GSTA3: variants seen among roughly 807,000 people sequenced by gnomAD.
GSTA3 encodes the protein glutathione S-transferase A3.
In GSTA3, 16 loss-of-function variants were observed where a neutral mutation model predicts 23.1. That is an observed-to-expected ratio of 0.69 (90% confidence interval 0.47 to 1.05). The LOEUF is 1.05. Among genes scored for constraint, GSTA3 ranks in the 50% least tolerant of loss-of-function variants. The pLI, the probability that GSTA3 is intolerant of heterozygous loss-of-function variation, is 0.00. For missense variants in GSTA3, 319 were observed against 263.6 expected, an observed-to-expected ratio of 1.21 and a Z score of -1.46; for synonymous variants, 122 against 91.0, an observed-to-expected ratio of 1.34 and a Z score of -1.94.
intron 1 of GSTA3, among the ~76,000 whole-genome samples, chr6:52,907,887 G>A (rs1334178731): frequency 3.3e-5 from 5 of 151,564 alleles, no homozygotes; most frequent in Admixed American, 2.6e-4. Context: ...TGATGAGTTG[G>A]TGGGTGCAGC....
intron 5 of GSTA3, 71 bp from the exon 6 acceptor site, chr6:52,898,027 C>A: frequency 1.3e-6 from 2 of 1,564,448 alleles, no homozygotes; most frequent in Non-Finnish European, 1.8e-6. Flanking sequence ...CTCCCTGAGT[C>A]TTTCCAGCCT....
At position 52,897,878 on chromosome 6, in the gene GSTA3, A is replaced by G; in HGVS notation, c.493T>C (p.Tyr165His). 6.2e-7 allele frequency: 1 copy of G among 1,613,972 alleles called. No individual in the cohort carries two copies. Among genetic ancestry groups the G allele is most frequent in the East Asian group, 2.2e-5 (1 of 44,882 alleles). The change falls in exon 6 of 7, where the codon TAC becomes CAC. Residue 165 changes from tyrosine to histidine, a missense_variant. Coordinates refer to ENST00000211122, the MANE Select transcript of GSTA3 (RefSeq NM_000847.5). ...CTGGAGTCAAGCTCTTCCACATAGT[A>G]GAGAAGTTCCACCAGGCTAATGTCA... ...RADISLVELL[Y>H]YVEELDSSLI...
At position 52,903,732 on chromosome 6, in the gene GSTA3, A is replaced by T; in HGVS notation, c.88-5T>A. On this transcript the variant is annotated splice_region_variant and splice_polypyrimidine_tract_variant and intron_variant, in intron 2 of 6. Coordinates refer to ENST00000211122, the MANE Select transcript of GSTA3 (RefSeq NM_000847.5). ...TCCTATAAATTTCTCTTCAAACTGG[A>T]AGCAGAAACAGTAAATGGGTTCTTG... 6.4e-7 allele frequency: 1 copy of T among 1,571,308 alleles called. No individual in the cohort carries two copies. Among genetic ancestry groups the T allele is most frequent in the African/African-American group, 1.3e-5 (1 of 74,100 alleles).
intron 1 of GSTA3, among the ~76,000 whole-genome samples, chr6:52,906,307 A>G (rs974319502): frequency 1.9e-4 from 29 of 152,186 alleles, no homozygotes; most frequent in African/African-American, 6.5e-4. Context: ...CAATTTGCCA[A>G]CTAGCTAGTT....
chr6:52,899,876 C>T (rs1020557575), intron 5 of GSTA3, 58 bp downstream of exon 5: 47 of 1,556,742 alleles, frequency 3.0e-5, no homozygotes, highest in Non-Finnish European at 4.2e-5. Context: ...TGCCCAGCCA[C>T]TATTTTTCTA....
chr6:52,900,241 C>T (rs980088558), intron 4 of GSTA3, among the ~76,000 whole-genome samples, 166 bp from the exon 5 acceptor site: 4 of 149,970 alleles, frequency 2.7e-5, no homozygotes, highest in African/African-American at 7.4e-5. Context: ...TGTATGTTGA[C>T]GTTTCCTTCT....
rs768538917 is a variant in GSTA3 at position 52,900,020 on chromosome 6, G to T, written c.328C>A (p.Pro110Thr). Residue 110 changes from proline (P) to threonine (T), a missense_variant, in exon 5 of 7, where the codon CCC (proline) becomes ACC (threonine). Physicochemically the swap from Pro to Thr is conservative, Grantham distance 38. Transcript: ENST00000211122. ...TCTTTTTCCTCAGGTCGACATAAGG[G>T]CAGAAGAAGGATCATTTCATTCAAA... The part of the protein sequence containing the change: ...ADLNEMILLL[P>T]LCRPEEKDAK... The T allele has an allele frequency of 5.0e-6, 8 of 1,612,890 alleles. No homozygotes were observed. In the Admixed American group the frequency reaches 1.3e-4, roughly 27 times the overall value.
intron 5 of GSTA3, among the ~76,000 whole-genome samples, chr6:52,899,512 C>G (rs541645100): frequency 6.6e-6 from 1 of 152,304 alleles, no homozygotes; most frequent in Non-Finnish European, 1.5e-5. Context: ...ACAATATTCT[C>G]TGGTTGGGAA....
intron 3 of GSTA3, among the ~76,000 whole-genome samples, chr6:52,902,720 G>C (rs1190442911): frequency 6.6e-6 from 1 of 152,130 alleles, no homozygotes; most frequent in Non-Finnish European, 1.5e-5. Flanking sequence ...GTACATAGTA[G>C]GTCCCTTGTA....
chr6:52,906,787 C>T (rs540725124), intron 1 of GSTA3, among the ~76,000 whole-genome samples: 32 of 150,842 alleles, frequency 2.1e-4, no homozygotes, highest in Middle Eastern at 3.4e-3. Context: ...TGGATCCCTT[C>T]CTTACACCTT....
At chr6:52,901,778 T>C (rs1561953345) in intron 4 of GSTA3, among the ~76,000 whole-genome samples, 1 of 152,224 alleles carries the variant, frequency 6.6e-6, no homozygotes, top group Non-Finnish European at 1.5e-5. Context: ...GCTTTGCTGG[T>C]ATTCGATAAA....
At chr6:52,902,989 C>T (rs1237318547) in intron 3 of GSTA3, among the ~76,000 whole-genome samples, 2 of 152,160 alleles carry the variant, frequency 1.3e-5, no homozygotes, top group Non-Finnish European at 2.9e-5. Context: ...ATGGCCACAT[C>T]TATTTCTATT....
intron 4 of GSTA3, among the ~76,000 whole-genome samples, chr6:52,901,959 T>C (rs567669435): frequency 6.6e-6 from 1 of 152,172 alleles, no homozygotes; most frequent in Non-Finnish European, 1.5e-5. Context: ...CTTTGCAGTC[T>C]TCCCTCCCCA....
At chr6:52,907,740 C>T (rs1484551722) in intron 1 of GSTA3, among the ~76,000 whole-genome samples, 2 of 149,070 alleles carry the variant, frequency 1.3e-5, no homozygotes, top group Admixed American at 6.9e-5. Context: ...AACCAAACAC[C>T]GCATGTTCTC....
At chr6:52,897,457 T>G (rs975141254) in intron 6 of GSTA3, among the ~76,000 whole-genome samples, 1 of 152,038 alleles carries the variant, frequency 6.6e-6, no homozygotes, top group African/African-American at 2.4e-5. Context: ...AGGAACCAGA[T>G]GGAAAGGGCC....
intron 1 of GSTA3, among the ~76,000 whole-genome samples, chr6:52,908,668 AT>A (rs956540793): frequency 1.7e-4 from 26 of 151,934 alleles, no homozygotes; most frequent in South Asian, 8.3e-4. Context: ...CACAAAAAAT[AT>A]TTTTTTTTAA....
intron 6 of GSTA3, 73 bp downstream of exon 6, chr6:52,897,752 C>T: frequency 5.7e-6 from 9 of 1,567,178 alleles, no homozygotes; most frequent in Non-Finnish European, 7.0e-6. Flanking sequence ...CATGGCCAGT[C>T]CAAGGGCCCA....
chr6:52,899,471 C>G (rs181187525), intron 5 of GSTA3, among the ~76,000 whole-genome samples: 1 of 152,288 alleles, frequency 6.6e-6, no homozygotes, highest in Non-Finnish European at 1.5e-5. Flanking sequence ...CTGTCACTAT[C>G]CTTTTAAGAA....
chr6:52,897,839 A>C lies in GSTA3; in HGVS notation c.532T>G (p.Phe178Val). ...EELDSSLISN[F>V]PLLKALKTRI... Reference sequence around the variant, plus strand: ...AAATGGGTCACCTTCAGCAGAGGGAAGTTGGAGATAAGGCTGGAGTCAAGC... The same window carrying C: ...AAATGGGTCACCTTCAGCAGAGGGACGTTGGAGATAAGGCTGGAGTCAAGC... The change falls in exon 6 of 7, where the codon TTC becomes GTC. Residue 178 changes from phenylalanine (F) to valine (V), a missense_variant. Phe to Val is a conservative substitution (Grantham distance 50). Coordinates refer to ENST00000211122, the MANE Select transcript of GSTA3 (RefSeq NM_000847.5). 6.2e-7 allele frequency: 1 copy of C among 1,613,510 alleles called. No homozygotes were observed. Among genetic ancestry groups the C allele is most frequent in the Non-Finnish European group, 8.5e-7 (1 of 1,179,794 alleles).
Sources: allele counts gnomAD v4.1 joint callset (sites outside exome capture counted in the v4.1 genomes callset), GRCh38; gene constraint gnomAD v4.1.1; transcripts MANE v1.5; gene names NCBI Gene and HGNC (gene_info 2026-07-23, HGNC 2026-07-21).